Variants in PEX14 observed in about 807,000 individuals in gnomAD.
PEX14 encodes peroxisomal biogenesis factor 14, also known as peroxisomal membrane protein PEX14.
A neutral mutation model predicts 49.5 loss-of-function variants in PEX14; 15 were observed. The observed-to-expected ratio is 0.30, with a 90% CI of 0.20 to 0.47. The LOEUF (loss-of-function observed/expected upper bound fraction) is 0.47, where lower values mean the gene tolerates loss of function less well. PEX14 is among the 20% of genes least tolerant of loss of function. PEX14 has a pLI of 1.00. For missense variants in PEX14, 398 were observed against 494.8 expected, an observed-to-expected ratio of 0.80 and a Z score of 1.86; for synonymous variants, 210 against 212.7, an observed-to-expected ratio of 0.99 and a Z score of 0.11.
chr1:10,618,217 C>T (rs993613205), intron 4 of PEX14, 115 bp from the exon 5 acceptor site: 3 of 756,148 alleles, frequency 4.0e-6, no homozygotes, highest in Non-Finnish European at 7.1e-6. Flanking sequence ...TGGAGTGTTC[C>T]ACTTGCCCAT....
chr1:10,603,154 T>C (rs1228381634), intron 4 of PEX14, among the ~76,000 whole-genome samples: 4 of 152,200 alleles, frequency 2.6e-5, no homozygotes, highest in African/African-American at 4.8e-5. Context: ...AATGCCAGTG[T>C]TGGCAGAGAG....
At chr1:10,558,728 C>A (rs1219186616) in intron 3 of PEX14, among the ~76,000 whole-genome samples, 1 of 128,000 alleles carries the variant, frequency 7.8e-6, no homozygotes, top group Non-Finnish European at 1.6e-5. Flanking sequence ...CAGAATGAGA[C>A]CCTGTCTCAA....
In PEX14 at chr1:10,629,792, G is replaced by A. The variant is rs1408463885; in HGVS notation, c.939G>A (p.Val313=). ...TCAAGGGCCAGGTGCGGATGGAGGT[G>A]CAAGGCGAGGAGGAGAAGAGGGAGG... ...VDVKGQVRME[V]QGEEEKREDK... is the part of the protein sequence containing the mutation. Residue 313 remains valine, a synonymous_variant, in exon 9 of 9, where the codon GTG becomes GTA. Coordinates refer to ENST00000356607, the MANE Select transcript of PEX14 (RefSeq NM_004565.3). This position sits in a 1 kb window ranked among gnomAD's most constrained non-coding sequence, Gnocchi z 8.5. The A allele has an allele frequency of 6.3e-7, 1 of 1,581,056 alleles. No homozygotes were observed. The highest frequency in any genetic ancestry group is 1.8e-5 in the Admixed American group (1 of 55,620).
intron 2 of PEX14, among the ~76,000 whole-genome samples, chr1:10,531,014 C>T (rs759527146): frequency 2.0e-5 from 3 of 152,148 alleles, no homozygotes; most frequent in Non-Finnish European, 4.4e-5. Flanking sequence ...CCCTCCCCAG[C>T]CTGTTCCCTA....
At position 10,529,612 on chromosome 1, in the gene PEX14, A is replaced by G. The variant is rs535422941; in HGVS notation, c.85-6601A>G. Among the ~76,000 whole-genome samples, 1 of 152,370 alleles carries G rather than the reference A, an allele frequency of 6.6e-6. No homozygotes were observed. Among genetic ancestry groups the G allele is most frequent in the South Asian group, 2.1e-4 (1 of 4,826 alleles). On this transcript the variant is annotated intron_variant, in intron 2 of 8. Coordinates refer to ENST00000356607, the MANE Select transcript of PEX14 (RefSeq NM_004565.3). This position sits in a 1 kb window ranked among gnomAD's most constrained non-coding sequence, Gnocchi z 4.2. ...GCAGAGATATTTCACTTTGAAAGGTAGTTTTTGTGCATGTGAAGTTGCCAC... is the reference window on the plus strand; with the variant it reads ...GCAGAGATATTTCACTTTGAAAGGTGGTTTTTGTGCATGTGAAGTTGCCAC...
intron 4 of PEX14, among the ~76,000 whole-genome samples, chr1:10,611,039 G>A (rs1431598950): frequency 6.6e-6 from 1 of 151,966 alleles, no homozygotes; most frequent in Non-Finnish European, 1.5e-5. Context: ...TTGAGGTCAG[G>A]AGTTTGAGGT....
chr1:10,581,431 G>A (rs1338285449), intron 3 of PEX14, among the ~76,000 whole-genome samples: 2 of 149,718 alleles, frequency 1.3e-5, no homozygotes, highest in Admixed American at 6.7e-5. Context: ...TCAGCCTCCC[G>A]AGTAGTTGGG....
In PEX14 at chr1:10,629,577, C is replaced by A; in HGVS notation, c.724C>A (p.Gln242Lys). The A allele has an allele frequency of 6.2e-7, 1 of 1,613,982 alleles. No homozygotes were observed. The highest frequency in any genetic ancestry group is 8.5e-7 in the Non-Finnish European group (1 of 1,179,966). Residue 242 changes from glutamine (Q) to lysine (K), a missense_variant, in exon 9 of 9, where the codon CAG becomes AAG. Physicochemically the swap from Gln to Lys is moderately conservative, Grantham distance 53. Coordinates refer to ENST00000356607, the MANE Select transcript of PEX14 (RefSeq NM_004565.3). The surrounding 1 kb of genome is among the most constrained non-coding windows in gnomAD (Gnocchi z 8.5). ...ATCAGCCCCGAAGATCCCCTCCTGG[C>A]AGATCCCAGTCAAGTCACCGTCACC... Reference protein sequence around the residue: ...SPSAPKIPSWQIPVKSPSPSS... With the variant: ...SPSAPKIPSWKIPVKSPSPSS...
At chr1:10,554,343 G>A (rs1326226037) in intron 3 of PEX14, among the ~76,000 whole-genome samples, 1 of 151,624 alleles carries the variant, frequency 6.6e-6, no homozygotes, top group Admixed American at 6.6e-5. Flanking sequence ...AATGTGTGGA[G>A]CTGAGGCAGA....
chr1:10,598,554 C>T (rs767479144), intron 3 of PEX14, among the ~76,000 whole-genome samples: 2 of 152,152 alleles, frequency 1.3e-5, no homozygotes, highest in Non-Finnish European at 2.9e-5. Flanking sequence ...TTTAGAGTGT[C>T]GGGAGGATTT....
At chr1:10,534,385 CT>C (rs1481897948) in intron 2 of PEX14, among the ~76,000 whole-genome samples, 3 of 152,018 alleles carry the variant, frequency 2.0e-5, no homozygotes, top group Non-Finnish European at 4.4e-5. Flanking sequence ...CTCCTCTCTC[CT>C]TTTCCCCCTC....
intron 4 of PEX14, among the ~76,000 whole-genome samples, chr1:10,605,709 T>C (rs1025619806): frequency 6.6e-6 from 1 of 152,260 alleles, no homozygotes; most frequent in Non-Finnish European, 1.5e-5. Flanking sequence ...TCTCTCTGTC[T>C]CTTCCATTTC....
At chr1:10,604,354 C>T (rs914552586) in intron 4 of PEX14, among the ~76,000 whole-genome samples, 2 of 152,226 alleles carry the variant, frequency 1.3e-5, no homozygotes, top group South Asian at 2.1e-4. Flanking sequence ...TTGGACGTGG[C>T]GCCTGTAATC....
chr1:10,577,524 C>CTATATATATATATATA (rs1557854620), intron 3 of PEX14, among the ~76,000 whole-genome samples: 1 of 44,346 alleles, frequency 2.3e-5, no homozygotes, highest in African/African-American at 8.3e-5. Flanking sequence ...ATTTTGGACA[C>CTATATATATATATATA]TATACATATA....
At chr1:10,544,262 G>A (rs1432102091) in intron 3 of PEX14, among the ~76,000 whole-genome samples, 3 of 152,196 alleles carry the variant, frequency 2.0e-5, no homozygotes, top group Non-Finnish European at 4.4e-5. Flanking sequence ...GAATCTCAGA[G>A]TGGCTCTTTT....
chr1:10,489,629 C>G (rs572870997), intron 1 of PEX14, among the ~76,000 whole-genome samples: 63 of 152,190 alleles, frequency 4.1e-4, no homozygotes, highest in Non-Finnish European at 6.8e-4. Flanking sequence ...TAGTATTCAG[C>G]AGAGACCTGA....
rs773024593 is a variant in PEX14, at chr1:10,599,322, AGGT to A, written c.258_260del (p.Val87del). 2 of 1,614,178 alleles carry A rather than the reference AGGT, an allele frequency of 1.2e-6. No homozygotes were observed. The highest frequency in any genetic ancestry group is 1.1e-5 in the South Asian group (1 of 91,080). On this transcript the variant is annotated inframe_deletion, in exon 4 of 9. Coordinates refer to ENST00000356607, the MANE Select transcript of PEX14 (RefSeq NM_004565.3). ...CCTTCGTCCTTGGGCCCAGCCACACAGGTGGTTCCTGTCCAGCCCCCTCACCTC... is the reference window on the plus strand; with the variant it reads ...CCTTCGTCCTTGGGCCCAGCCACACAGGTTCCTGTCCAGCCCCCTCACCTC...
intron 3 of PEX14, among the ~76,000 whole-genome samples, chr1:10,573,662 C>T (rs1315606546): frequency 6.6e-6 from 1 of 152,118 alleles, no homozygotes; most frequent in African/African-American, 2.4e-5. Context: ...GTGTAGCTGC[C>T]TTTAAAAAGC....
chr1:10,598,879 C>CTT lies in PEX14; in HGVS notation c.170-350_170-349dup, dbSNP rs58484171. Among the ~76,000 whole-genome samples the CTT allele has an allele frequency of 3.7e-3, 488 of 131,766 alleles. 2 individuals are homozygous for CTT. Among genetic ancestry groups the CTT allele is most frequent in the African/African-American group, 0.011 (422 of 39,292 alleles). 86.4% of individuals were successfully genotyped at this position (131,766 alleles called of 152,430 possible). A position where few individuals can be genotyped will look rare whatever the true frequency, so the allele number is the denominator to read the frequency against. ...TGCATTATTGTTAGTTTTTTCCCCT[C>CTT]TTTTTTTTTTAACACCATTACAGAT... is the stretch of plus-strand genomic sequence containing the variant. On this transcript the variant is annotated intron_variant, in intron 3 of 8. Transcript: ENST00000356607.
Sources: gnomAD v4.1 joint callset for allele counts (sites outside exome capture counted in the v4.1 genomes callset) on GRCh38, gnomAD v4.1.1 for gene constraint, Gnocchi (gnomAD v3.1) non-coding constraint, MANE v1.5 for transcripts, NCBI Gene and HGNC (gene_info 2026-07-23, HGNC 2026-07-21) for gene names.